Variants in ADK observed in about 807,000 individuals in gnomAD.
ADK encodes the protein N6,N6-dimethyladenosine kinase.
In ADK, 24 loss-of-function variants were observed where a neutral mutation model predicts 44.7. That is an observed-to-expected ratio of 0.54 (90% CI 0.39 to 0.76). The LOEUF (loss-of-function observed/expected upper bound fraction) is 0.76, where lower values mean the gene tolerates loss of function less well. Among genes scored for constraint, ADK ranks in the 30% least tolerant of loss-of-function variants. The pLI, the probability that ADK is intolerant of heterozygous loss-of-function variation, is 0.00. For synonymous variants in ADK, 128 were observed against 142.6 expected (o/e 0.90, Z 0.73); for missense variants, 321 against 425.1 (o/e 0.76, Z 2.15).
At chr10:74,222,880 A>T (rs2132237872) in intron 2 of ADK, among the ~76,000 whole-genome samples, 1 of 137,200 alleles carries the variant, frequency 7.3e-6, no homozygotes, top group East Asian at 2.2e-4. Context: ...GGGAGGGGGG[A>T]GCGATAGCAT....
chr10:74,585,753 G>A (rs1564805875), intron 7 of ADK, among the ~76,000 whole-genome samples: 1 of 152,174 alleles, frequency 6.6e-6, no homozygotes, highest in Non-Finnish European at 1.5e-5. Context: ...TTCTCCACAT[G>A]TCACATCCAC....
At chr10:74,231,769 A>G (rs976190572) in intron 3 of ADK, among the ~76,000 whole-genome samples, 8 of 150,432 alleles carry the variant, frequency 5.3e-5, no homozygotes, top group African/African-American at 2.0e-4. Context: ...CCTGGCCAAG[A>G]AAAGTTTTTT....
intron 4 of ADK, among the ~76,000 whole-genome samples, chr10:74,387,993 C>T (rs1482176244): frequency 6.6e-6 from 1 of 152,086 alleles, no homozygotes; most frequent in African/African-American, 2.4e-5. Context: ...CTGCAACCTC[C>T]ACCTCCTGGG....
chr10:74,251,842 A>G (rs1048904204), intron 3 of ADK, among the ~76,000 whole-genome samples: 5 of 151,954 alleles, frequency 3.3e-5, no homozygotes, highest in African/African-American at 1.2e-4. Flanking sequence ...TTTACTTAAT[A>G]AGAAGCTTAC....
At chr10:74,356,050 C>T (rs928935215) in intron 4 of ADK, among the ~76,000 whole-genome samples, 2 of 113,700 alleles carry the variant, frequency 1.8e-5, no homozygotes, top group Non-Finnish European at 3.3e-5. Context: ...CTCGCTCTGT[C>T]GCCCAGGCCG....
At chr10:74,481,990 T>C (rs1174644018) in intron 6 of ADK, among the ~76,000 whole-genome samples, 1 of 152,216 alleles carries the variant, frequency 6.6e-6, no homozygotes, top group African/African-American at 2.4e-5. Flanking sequence ...GGAAGATTCA[T>C]CGTAGTTTTT....
intron 3 of ADK, among the ~76,000 whole-genome samples, chr10:74,229,574 T>C (rs992631550): frequency 6.6e-5 from 10 of 152,002 alleles, no homozygotes; most frequent in African/African-American, 2.4e-4. Context: ...ATTTTTTGTA[T>C]TCCTAGTAGA....
At chr10:74,416,033 T>TATAC (rs1463965407) in intron 6 of ADK, among the ~76,000 whole-genome samples, 3 of 145,332 alleles carry the variant, frequency 2.1e-5, no homozygotes, top group African/African-American at 7.8e-5. Context: ...CATACATATA[T>TATAC]ACACACACAC....
intron 2 of ADK, among the ~76,000 whole-genome samples, chr10:74,217,416 T>A (rs1844093009): frequency 6.6e-6 from 1 of 152,200 alleles, no homozygotes; most frequent in South Asian, 2.1e-4. Flanking sequence ...CCTTCCTGCC[T>A]CTGTAGGTTG....
intron 7 of ADK, among the ~76,000 whole-genome samples, chr10:74,532,393 G>A (rs1268257036): frequency 3.4e-5 from 5 of 147,162 alleles, no homozygotes; most frequent in Admixed American, 6.8e-5. Context: ...CAGGAGAATC[G>A]CTTGAACTGG....
chr10:74,177,017 T>C (rs1169331668), intron 1 of ADK: 1 of 1,288,476 alleles, frequency 7.8e-7, no homozygotes, highest in African/African-American at 1.5e-5. Flanking sequence ...TGTTGGGGGT[T>C]CCCTCCGCAC....
At chr10:74,257,797 G>A (rs1845883052) in intron 3 of ADK, among the ~76,000 whole-genome samples, 1 of 152,118 alleles carries the variant, frequency 6.6e-6, no homozygotes, top group Non-Finnish European at 1.5e-5. Flanking sequence ...AACTTGTACT[G>A]TAAATAAACG....
chr10:74,229,319 G>GA (rs1844659568), intron 3 of ADK, among the ~76,000 whole-genome samples: 1 of 151,020 alleles, frequency 6.6e-6, no homozygotes, highest in Non-Finnish European at 1.5e-5. Flanking sequence ...AAACCAGCAG[G>GA]AAAGTTATAA....
At chr10:74,563,632 G>A (rs1366865119) in intron 7 of ADK, among the ~76,000 whole-genome samples, 2 of 152,076 alleles carry the variant, frequency 1.3e-5, no homozygotes, top group Non-Finnish European at 2.9e-5. Context: ...AACAAAATCA[G>A]CATTTTTAAA....
At chr10:74,637,956 A>G (rs958472378) in intron 9 of ADK, among the ~76,000 whole-genome samples, 1 of 152,330 alleles carries the variant, frequency 6.6e-6, no homozygotes, top group African/African-American at 2.4e-5. Context: ...AGTTTATTGT[A>G]TGTCAATCAT....
intron 7 of ADK, among the ~76,000 whole-genome samples, chr10:74,576,996 T>C (rs1211646155): frequency 2.0e-5 from 3 of 152,094 alleles, no homozygotes; most frequent in Admixed American, 2.0e-4. Context: ...TTTGCAGAAG[T>C]ATTCAGTATC....
rs538050438 is a variant in ADK at position 74,624,712 on chromosome 10, G to A, written c.877+24219G>A. ...CCATATAACTTATTAGAAAAACTCA[G>A]ATGCTTTTGAGAGTGAAAGAGTGGG... is the stretch of plus-strand genomic sequence containing the variant. On this transcript the variant is annotated intron_variant, in intron 9 of 10. Coordinates refer to ENST00000539909, the MANE Select transcript of ADK (RefSeq NM_006721.4). Among the ~76,000 whole-genome samples the A allele has an allele frequency of 2.0e-5, 3 of 152,196 alleles. No individual in the cohort carries two copies. In the East Asian group the frequency reaches 5.8e-4, roughly 29 times the overall value.
chr10:74,708,153 GA>G lies in ADK; in HGVS notation c.965-151del, dbSNP rs35480343. Among the ~76,000 whole-genome samples the G allele has an allele frequency of 8.1e-3, 1,071 of 132,660 alleles. 11 individuals are homozygous for G. Among genetic ancestry groups the G allele is most frequent in the East Asian group, 0.03 (137 of 4,584 alleles). 87.0% of individuals were successfully genotyped at this position (132,660 alleles called of 152,430 possible). A position where few individuals can be genotyped will look rare whatever the true frequency, so the allele number is the denominator to read the frequency against. On this transcript the variant is annotated intron_variant, in intron 10 of 10. Transcript: ENST00000539909. ...TGACAGGGCAAGACTCCATCTCGGG[GA>G]AAAAAAAAAAAAAAAAGACCTCCCT...
intron 4 of ADK, among the ~76,000 whole-genome samples, chr10:74,382,347 C>T (rs1842998232): frequency 6.6e-6 from 1 of 152,210 alleles, no homozygotes; most frequent in African/African-American, 2.4e-5. Flanking sequence ...CATCTGCCGG[C>T]CTCAGCCTCC....
Sources: gnomAD v4.1 joint callset for allele counts (sites outside exome capture counted in the v4.1 genomes callset) on GRCh38, gnomAD v4.1.1 for gene constraint, MANE v1.5 for transcripts, NCBI Gene and HGNC (gene_info 2026-07-23, HGNC 2026-07-21) for gene names.